The following PRKDC variants were observed in gnomAD, a reference collection of about 807,000 sequenced individuals.
PRKDC encodes DNA-dependent protein kinase catalytic subunit.
In PRKDC, 82 loss-of-function variants were observed where a neutral mutation model predicts 486.9. The ratio of observed to expected loss-of-function variants is 0.17; its 90% CI spans 0.14 to 0.20. The LOEUF (loss-of-function observed/expected upper bound fraction) is 0.20. Ranked by LOEUF, PRKDC falls within the 10% of genes least tolerant of loss-of-function variation. The pLI, the probability that PRKDC is intolerant of heterozygous loss-of-function variation, is 1.00. For missense variants in PRKDC, 4,504 were observed against 5,038.2 expected, an observed-to-expected ratio of 0.89 and a Z score of 3.21; for synonymous variants, 1,895 against 1,837.0, an observed-to-expected ratio of 1.03 and a Z score of -0.81.
chr8:47,836,656 G>A, intron 57 of PRKDC, 129 bp from the exon 58 acceptor site: 4 of 850,586 alleles, frequency 4.7e-6, no homozygotes, highest in Non-Finnish European at 6.9e-6. Flanking sequence ...AACTTCATAT[G>A]CAGCTGAAGA....
intron 26 of PRKDC, among the ~76,000 whole-genome samples, chr8:47,903,264 G>A (rs1396205188): frequency 1.3e-5 from 2 of 152,214 alleles, no homozygotes; most frequent in Non-Finnish European, 2.9e-5. Context: ...ATGGAGGCAT[G>A]AAGAGCAGAC....
intron 22 of PRKDC, among the ~76,000 whole-genome samples, chr8:47,917,543 T>A (rs539110176): frequency 5.1e-4 from 78 of 152,206 alleles, no homozygotes; most frequent in Non-Finnish European, 9.1e-4. Context: ...ATTTACGTCA[T>A]ATTTTACTAT....
chr8:47,805,223 G>A (rs556873917), intron 69 of PRKDC: 13 of 152,288 alleles, frequency 8.5e-5, no homozygotes, highest in Non-Finnish European at 1.3e-4. Context: ...GTTTTCCACA[G>A]CAGATGCACC....
intron 76 of PRKDC, among the ~76,000 whole-genome samples, chr8:47,787,721 A>G (rs930910466): frequency 2.0e-5 from 3 of 152,298 alleles, no homozygotes; most frequent in Non-Finnish European, 4.4e-5. Flanking sequence ...TTCCAGCAAC[A>G]AAGTGGCCAT....
chr8:47,902,171 C>CG (rs1679173667), intron 27 of PRKDC, among the ~76,000 whole-genome samples: 1 of 152,138 alleles, frequency 6.6e-6, no homozygotes, highest in African/African-American at 2.4e-5. Context: ...TCTCTACCCC[C>CG]CCACCACCCA....
rs375321876 is a variant in PRKDC at position 47,776,977 on chromosome 8, C to T, written c.12049G>A (p.Glu4017Lys). ...KEPSFDWKNF[E>K]QKMLKKGGSW... ...CCTCCTTTTTTCAGCATTTTCTGTT[C>T]AAAATTCTAGAAGAAAAGAACATGA... The change falls in exon 85 of 86, where the codon GAA becomes AAA. Residue 4017 changes from glutamate (E) to lysine (K), a missense_variant. Physicochemically the swap from Glu to Lys is moderately conservative, Grantham distance 56 (BLOSUM62 1). This residue lies in a region of PRKDC where 706 missense variants were observed against 945.0 expected (regional missense o/e 0.75). Transcript: ENST00000314191. The T allele has an allele frequency of 1.2e-6, 2 of 1,608,734 alleles. No individual in the cohort carries two copies. The highest frequency in any genetic ancestry group is 2.7e-5 in the African/African-American group (2 of 74,246).
intron 23 of PRKDC, among the ~76,000 whole-genome samples, chr8:47,914,788 G>C (rs976497280): frequency 3.7e-5 from 5 of 134,526 alleles, no homozygotes; most frequent in African/African-American, 7.0e-5. Context: ...GCAACAGAGC[G>C]AGGGGAAAAA....
At chr8:47,802,526 A>G (rs1012007509) in intron 70 of PRKDC, among the ~76,000 whole-genome samples, 9 of 144,690 alleles carry the variant, frequency 6.2e-5, no homozygotes, top group African/African-American at 2.3e-4. Flanking sequence ...GTTGTCATCC[A>G]GGCTGGAGTG....
intron 68 of PRKDC, among the ~76,000 whole-genome samples, chr8:47,808,521 T>C (rs940208556): frequency 6.6e-6 from 1 of 152,080 alleles, no homozygotes; most frequent in African/African-American, 2.4e-5. Context: ...TGTAGTGCAG[T>C]AGTTATTCAC....
At chr8:47,804,018 C>T (rs1310545646) in intron 69 of PRKDC, among the ~76,000 whole-genome samples, 2 of 152,010 alleles carry the variant, frequency 1.3e-5, no homozygotes, top group African/African-American at 2.4e-5. Flanking sequence ...GTACAACCAC[C>T]ACCCCTAATT....
chr8:47,805,643 A>G (rs1297220626), intron 69 of PRKDC, among the ~76,000 whole-genome samples: 1 of 152,192 alleles, frequency 6.6e-6, no homozygotes, highest in East Asian at 1.9e-4. Context: ...TCTGAATACA[A>G]TTGACCCATT....
intron 19 of PRKDC, among the ~76,000 whole-genome samples, 188 bp downstream of exon 19, chr8:47,928,904 C>G (rs2090202728): frequency 6.6e-6 from 1 of 152,158 alleles, no homozygotes; most frequent in South Asian, 2.1e-4. Flanking sequence ...ATTGGTCAGG[C>G]TGGTCTCGAA....
chr8:47,959,939 AC>A, intron 1 of PRKDC, 33 bp downstream of exon 1: 1 of 1,528,928 alleles, frequency 6.5e-7, no homozygotes, highest in Non-Finnish European at 8.8e-7. Context: ...GGAAGCCAGG[AC>A]CCACCCGCGG....
At position 47,921,608 on chromosome 8, in the gene PRKDC, G is replaced by A. The variant is rs532670286; in HGVS notation, c.2420-3225C>T. On this transcript the variant is annotated intron_variant, in intron 21 of 85. Transcript: ENST00000314191. ...GCACGTGCATGCTGTCTCTTGGGGG[G>A]CTGCAGACAGTGGTATCTGTGAGCT... Among the ~76,000 whole-genome samples the A allele has an allele frequency of 2.5e-4, 38 of 152,244 alleles. No individual in the cohort carries two copies. In the South Asian group the frequency reaches 4.4e-3, roughly 17 times the overall value.
chr8:47,895,678 T>C (rs1218681436), intron 30 of PRKDC, among the ~76,000 whole-genome samples: 1 of 152,160 alleles, frequency 6.6e-6, no homozygotes, highest in Non-Finnish European at 1.5e-5. Flanking sequence ...ATGACTAATT[T>C]CACAAGGTTG....
In PRKDC at chr8:47,788,888, G is replaced by T; in HGVS notation, c.10902+18C>A. 6.5e-7 allele frequency: 1 copy of T among 1,542,900 alleles called. No homozygotes were observed. The highest frequency in any genetic ancestry group is 1.3e-5 in the South Asian group (1 of 78,208). On this transcript the variant is annotated intron_variant, in intron 76 of 85. Coordinates refer to ENST00000314191, the MANE Select transcript of PRKDC (RefSeq NM_006904.7). ...CAACGACTCTGCTATCAAAATAGCA[G>T]GCTGTGCCAGTCCATACCTGAATAA...
At chr8:47,887,839 T>C in intron 34 of PRKDC, 134 bp from the exon 35 acceptor site, 1 of 992,830 alleles carries the variant, frequency 1.0e-6, no homozygotes, top group East Asian at 2.7e-5. Flanking sequence ...AGAAAAATTT[T>C]AATTCAACTT....
At chr8:47,860,875 C>G (rs1320320496) in intron 45 of PRKDC, 24 bp downstream of exon 45, 14 of 1,567,540 alleles carry the variant, frequency 8.9e-6, no homozygotes, top group Non-Finnish European at 1.1e-5. Context: ...TGAATCCTTT[C>G]TCATGATTTT....
rs201883689 is a variant in PRKDC, at chr8:47,777,738, A to G, written c.11990T>C (p.Leu3997Pro). ...ALRAFRSDPG[L>P]LTNTMDVFVK... ...AAACACATCCATGGTGTTGGTGAGC[A>G]GGCCAGGGTCTGAGCGGAAGGCCCG... The change falls in exon 84 of 86, where the codon CTG becomes CCG. Residue 3997 changes from leucine to proline, a missense_variant. Transcript: ENST00000314191. 453 of 1,611,566 alleles carry G rather than the reference A, an allele frequency of 2.8e-4. No homozygotes were observed. The highest frequency in any genetic ancestry group is 3.3e-4 in the Non-Finnish European group (394 of 1,178,238).
Sources: gnomAD v4.1 joint callset for allele counts (sites outside exome capture counted in the v4.1 genomes callset) on GRCh38, gnomAD v4.1.1 for gene constraint, gnomAD v4.1.1 regional missense constraint, MANE v1.5 for transcripts, NCBI Gene and HGNC (gene_info 2026-07-23, HGNC 2026-07-21) for gene names.